CHSY3: variants seen among roughly 807,000 people sequenced by gnomAD.
CHSY3 encodes chondroitin sulfate synthase 3.
A neutral mutation model predicts 67.2 loss-of-function variants in CHSY3; 35 were observed. The observed-to-expected ratio is 0.52, with a 90% CI of 0.40 to 0.69. The LOEUF is 0.69. Ranked by LOEUF, CHSY3 falls within the 30% of genes least tolerant of loss-of-function variation. The probability of loss-of-function intolerance (pLI) is 0.00; values close to 1 mark genes in which losing one functional copy is unlikely to be tolerated. For missense variants in CHSY3, 1,069 were observed against 1,138.5 expected, an observed-to-expected ratio of 0.94 and a Z score of 0.88; for synonymous variants, 474 against 434.7, an observed-to-expected ratio of 1.09 and a Z score of -1.12.
chr5:130,157,865 A>C (rs1005189299), intron 2 of CHSY3, among the ~76,000 whole-genome samples: 4 of 152,214 alleles, frequency 2.6e-5, no homozygotes, highest in African/African-American at 7.2e-5. Context: ...AGGGGTGGGA[A>C]ATTCCCAGAA....
chr5:130,020,959 T>G (rs1273345017), intron 2 of CHSY3, among the ~76,000 whole-genome samples: 1 of 152,160 alleles, frequency 6.6e-6, no homozygotes, highest in Non-Finnish European at 1.5e-5. Context: ...GAAGGAGCCA[T>G]GTTTTATTCA....
intron 2 of CHSY3, among the ~76,000 whole-genome samples, chr5:129,940,079 A>G (rs1020512530): frequency 3.9e-5 from 6 of 152,284 alleles, no homozygotes; most frequent in Admixed American, 3.3e-4. Flanking sequence ...GAAATGTTCT[A>G]AATTCCTTTT....
In CHSY3 at chr5:130,185,480, T is replaced by C; in HGVS notation, c.2338T>C (p.Tyr780His). 1 of 1,614,154 alleles carries C rather than the reference T, an allele frequency of 6.2e-7. No individual in the cohort carries two copies. Among genetic ancestry groups the C allele is most frequent in the Non-Finnish European group, 8.5e-7 (1 of 1,180,004 alleles). Residue 780 changes from tyrosine (Y) to histidine (H), a missense_variant, in exon 3 of 3, where the codon TAT (tyrosine) becomes CAT (histidine). Tyr to His is a moderately conservative substitution (Grantham distance 83, BLOSUM62 2). Around this residue, in one of 5 missense-constraint regions of CHSY3, gnomAD observed 139 missense variants for 152.8 expected, o/e 0.91. Coordinates refer to ENST00000305031, the MANE Select transcript of CHSY3 (RefSeq NM_175856.5). ...KKTGFWRDYGYGITCIYKSDL... is the reference protein window; with the variant it reads ...KKTGFWRDYGHGITCIYKSDL... ...GACTGGATTTTGGAGAGACTATGGA[T>C]ATGGCATCACCTGTATTTACAAAAG...
chr5:129,956,567 C>G (rs755558700), intron 2 of CHSY3, among the ~76,000 whole-genome samples: 13 of 152,094 alleles, frequency 8.5e-5, no homozygotes, highest in Non-Finnish European at 1.6e-4. Context: ...AATAATATCC[C>G]ATTTGTCAAT....
rs1052082876 is a variant in CHSY3 at position 130,123,874 on chromosome 5, G to A, written c.1087-60355G>A. 6.6e-5 allele frequency among the ~76,000 whole-genome samples: 10 copies of A among 151,758 alleles called. No individual in the cohort carries two copies. In the South Asian group the frequency reaches 1.7e-3, roughly 25 times the overall value. The stretch of plus-strand genomic sequence containing the variant: ...AGATCAAGACCATCCTGGCTAACTC[G>A]GTGAAACCCCATCTCTACTAAAAAT... On this transcript the variant is annotated intron_variant, in intron 2 of 2. Coordinates refer to ENST00000305031, the MANE Select transcript of CHSY3 (RefSeq NM_175856.5).
chr5:130,010,394 A>T (rs1764021586), intron 2 of CHSY3, among the ~76,000 whole-genome samples: 1 of 152,208 alleles, frequency 6.6e-6, no homozygotes, highest in Admixed American at 6.5e-5. Context: ...TTGGCCAAAC[A>T]TGACATTAAG....
At chr5:130,140,418 AACCT>A (rs1768824497) in intron 2 of CHSY3, 10 of 831,154 alleles carry the variant, frequency 1.2e-5, no homozygotes, top group African/African-American at 1.7e-5. Flanking sequence ...AAATTGCAGA[AACCT>A]ACCTTGGAAA....
At chr5:130,093,587 C>T (rs942468105) in intron 2 of CHSY3, among the ~76,000 whole-genome samples, 6 of 152,014 alleles carry the variant, frequency 3.9e-5, no homozygotes, top group African/African-American at 1.2e-4. Context: ...TTACAACAAC[C>T]TTGAAAGTTA....
chr5:129,962,284 C>G (rs963916495), intron 2 of CHSY3, among the ~76,000 whole-genome samples: 1 of 151,878 alleles, frequency 6.6e-6, no homozygotes, highest in African/African-American at 2.4e-5. Flanking sequence ...TGAACAGAAA[C>G]CTAAGTCATT....
intron 2 of CHSY3, among the ~76,000 whole-genome samples, chr5:130,089,408 AAAAGT>A (rs1393796085): frequency 1.3e-5 from 2 of 151,992 alleles, no homozygotes; most frequent in African/African-American, 2.4e-5. Flanking sequence ...AAAAAATTTA[AAAAGT>A]AAAGTACAGA....
chr5:130,098,265 A>G (rs575909596), intron 2 of CHSY3, among the ~76,000 whole-genome samples: 4 of 152,074 alleles, frequency 2.6e-5, no homozygotes, highest in Non-Finnish European at 5.9e-5. Context: ...CTCTGCATCT[A>G]TATGCAGTAC....
chr5:130,035,270 G>C (rs1764832164), intron 2 of CHSY3, among the ~76,000 whole-genome samples: 1 of 151,868 alleles, frequency 6.6e-6, no homozygotes, highest in Non-Finnish European at 1.5e-5. Context: ...CAGTTTTGTG[G>C]GTATATTTTT....
chr5:130,014,353 A>G (rs555742038), intron 2 of CHSY3, among the ~76,000 whole-genome samples: 5 of 152,330 alleles, frequency 3.3e-5, no homozygotes, highest in African/African-American at 9.6e-5. Flanking sequence ...GCTATGAAGA[A>G]ATACCCAAAA....
At chr5:130,013,189 G>A (rs974359673) in intron 2 of CHSY3, among the ~76,000 whole-genome samples, 5 of 152,176 alleles carry the variant, frequency 3.3e-5, no homozygotes, top group Admixed American at 2.6e-4. Context: ...CCACCTTTGT[G>A]GCTTTGCAGG....
At chr5:129,927,107 A>G (rs561623626) in intron 2 of CHSY3, among the ~76,000 whole-genome samples, 55 of 151,988 alleles carry the variant, frequency 3.6e-4, no homozygotes, top group African/African-American at 1.3e-3. Flanking sequence ...AAATTTTAGT[A>G]TTCTGTTTTT....
chr5:130,180,840 A>G (rs895616598), intron 2 of CHSY3, among the ~76,000 whole-genome samples: 2 of 152,156 alleles, frequency 1.3e-5, no homozygotes, highest in African/African-American at 4.8e-5. Context: ...ACAGAGTGAG[A>G]CCCCATCTCA....
chr5:130,133,774 AAAAAAAAAAAAAAAAAAAAAAG>A (rs1458120663), intron 2 of CHSY3, among the ~76,000 whole-genome samples: 2 of 97,906 alleles, frequency 2.0e-5, no homozygotes, highest in Non-Finnish European at 4.7e-5. Context: ...TCCGTCTTAA[AAAAAAAAAAAAAAAAAAAAAAG>A]AAAAAAAAAA....
chr5:130,128,109 G>A (rs1373839004), intron 2 of CHSY3, among the ~76,000 whole-genome samples: 1 of 152,010 alleles, frequency 6.6e-6, no homozygotes, highest in African/African-American at 2.4e-5. Context: ...CACATACTGA[G>A]TAATGAAAAT....
At chr5:129,946,354 A>G (rs1033185934) in intron 2 of CHSY3, among the ~76,000 whole-genome samples, 3 of 152,194 alleles carry the variant, frequency 2.0e-5, no homozygotes, top group Admixed American at 2.0e-4. Context: ...AAATTAGGCC[A>G]GGGCAAAATT....
Sources: allele counts gnomAD v4.1 joint callset (sites outside exome capture counted in the v4.1 genomes callset), GRCh38; gene constraint gnomAD v4.1.1; regional missense constraint gnomAD v4.1.1; transcripts MANE v1.5; gene names NCBI Gene and HGNC (gene_info 2026-07-23, HGNC 2026-07-21).